Variants in THSD7A observed in about 807,000 individuals in gnomAD.
THSD7A encodes thrombospondin type 1 domain containing 7A.
In THSD7A, 96 loss-of-function variants were observed where a neutral mutation model predicts 231.3. The ratio of observed to expected loss-of-function variants is 0.41; its 90% confidence interval spans 0.35 to 0.49. The LOEUF (loss-of-function observed/expected upper bound fraction) is 0.49. THSD7A is among the 20% of genes least tolerant of loss of function. THSD7A has a pLI of 0.05. For missense variants in THSD7A, 2,290 were observed against 2,070.2 expected (o/e 1.11, Z -2.06); for synonymous variants, 940 against 743.3 (o/e 1.26, Z -4.30).
intron 11 of THSD7A, among the ~76,000 whole-genome samples, chr7:11,459,279 A>T (rs1180119389): frequency 6.6e-6 from 1 of 152,186 alleles, no homozygotes; most frequent in East Asian, 1.9e-4. Context: ...AAGAATGGAG[A>T]CTAAAACTTA....
intron 23 of THSD7A, among the ~76,000 whole-genome samples, chr7:11,390,174 G>A (rs1368679297): frequency 6.6e-6 from 1 of 152,094 alleles, no homozygotes; most frequent in Non-Finnish European, 1.5e-5. Flanking sequence ...TGCTAGGTTG[G>A]GGAAGTTCTC....
At chr7:11,723,115 GCACATATA>G (rs1781416831) in intron 1 of THSD7A, among the ~76,000 whole-genome samples, 1 of 151,958 alleles carries the variant, frequency 6.6e-6, no homozygotes, top group Non-Finnish European at 1.5e-5. Flanking sequence ...AAGAAATGTG[GCACATATA>G]CACCATGGAA....
intron 23 of THSD7A, among the ~76,000 whole-genome samples, chr7:11,390,371 T>C (rs193277768): frequency 2.6e-3 from 391 of 152,324 alleles, no homozygotes; most frequent in Non-Finnish European, 4.1e-3. Context: ...ATCTCTGATA[T>C]TGTTTCTTCT....
intron 4 of THSD7A, among the ~76,000 whole-genome samples, chr7:11,584,035 A>G (rs1342601456): frequency 6.6e-6 from 1 of 152,182 alleles, no homozygotes; most frequent in Non-Finnish European, 1.5e-5. Flanking sequence ...GAAGTAATGC[A>G]GTATTTTTGC....
chr7:11,787,931 C>A (rs1783839969), intron 1 of THSD7A, among the ~76,000 whole-genome samples: 1 of 152,070 alleles, frequency 6.6e-6, no homozygotes, highest in Non-Finnish European at 1.5e-5. Context: ...TTCTCCAAAC[C>A]TGACCACTCT....
At chr7:11,426,774 T>A in intron 14 of THSD7A, 103 bp from the exon 15 acceptor site, 1 of 1,265,652 alleles carries the variant, frequency 7.9e-7, no homozygotes, top group Non-Finnish European at 1.1e-6. Flanking sequence ...CAAGTATTAT[T>A]ACTTACATGT....
chr7:11,702,661 G>C (rs1238764897), intron 1 of THSD7A, among the ~76,000 whole-genome samples: 1 of 151,216 alleles, frequency 6.6e-6, no homozygotes, highest in East Asian at 2.0e-4. Flanking sequence ...TTGGTTGAAT[G>C]AGAGCTGGGA....
At chr7:11,555,218 T>A (rs1252781167) in intron 4 of THSD7A, among the ~76,000 whole-genome samples, 2 of 151,968 alleles carry the variant, frequency 1.3e-5, no homozygotes, top group East Asian at 3.9e-4. Flanking sequence ...TCTTTTCCAA[T>A]GTAAGCATTT....
chr7:11,596,683 A>G (rs981261642), intron 2 of THSD7A, among the ~76,000 whole-genome samples: 2 of 152,214 alleles, frequency 1.3e-5, no homozygotes, highest in Non-Finnish European at 2.9e-5. Context: ...GATTCCTACC[A>G]CATCCCTGTT....
intron 4 of THSD7A, among the ~76,000 whole-genome samples, chr7:11,560,067 T>C (rs1790014182): frequency 6.6e-6 from 1 of 152,136 alleles, no homozygotes; most frequent in African/African-American, 2.4e-5. Flanking sequence ...AATAACGTTA[T>C]GTCAAAACTA....
At chr7:11,532,113 G>C (rs893875610) in intron 6 of THSD7A, among the ~76,000 whole-genome samples, 10 of 151,922 alleles carry the variant, frequency 6.6e-5, no homozygotes, top group African/African-American at 2.2e-4. Flanking sequence ...AAAGATGCCA[G>C]TCTAGTCTAC....
intron 1 of THSD7A, among the ~76,000 whole-genome samples, chr7:11,746,238 T>C (rs181967656): frequency 2.2e-3 from 330 of 152,086 alleles, no homozygotes; most frequent in Non-Finnish European, 3.6e-3. Context: ...CAAGATTGTA[T>C]ACAGAGTTCC....
chr7:11,569,041 C>CA (rs1340219913), intron 4 of THSD7A, among the ~76,000 whole-genome samples: 2 of 148,120 alleles, frequency 1.4e-5, no homozygotes, highest in East Asian at 3.9e-4. Context: ...AAAATCAACA[C>CA]AAAATGAATT....
rs190294413 is a variant in THSD7A, at chr7:11,487,231, T to A, written c.1823-5249A>T. On this transcript the variant is annotated intron_variant, in intron 6 of 27. Coordinates refer to ENST00000423059, the MANE Select transcript of THSD7A (RefSeq NM_015204.3). ...TTTTATTCGACTGTATCTCTTATTA[T>A]CAGGATAAGAGACTAAAACATCTGC... Among the ~76,000 whole-genome samples the A allele has an allele frequency of 3.2e-3, 482 of 152,216 alleles. 1 individual carries two copies. The highest frequency in any genetic ancestry group is 0.011 in the African/African-American group (466 of 41,548).
intron 6 of THSD7A, among the ~76,000 whole-genome samples, chr7:11,503,866 G>C (rs560768860): frequency 6.6e-6 from 1 of 152,166 alleles, no homozygotes; most frequent in African/African-American, 2.4e-5. Flanking sequence ...TGGTAGAAGC[G>C]TAAATTAGTT....
intron 6 of THSD7A, among the ~76,000 whole-genome samples, chr7:11,491,399 A>T (rs553423385): frequency 7.7e-6 from 1 of 129,926 alleles, no homozygotes; most frequent in South Asian, 2.8e-4. Flanking sequence ...GGCATTCTAT[A>T]AAGTTCCTTT....
At chr7:11,680,824 C>G (rs1474943798) in intron 1 of THSD7A, among the ~76,000 whole-genome samples, 1 of 152,058 alleles carries the variant, frequency 6.6e-6, no homozygotes, top group Non-Finnish European at 1.5e-5. Context: ...CCAGAAATAC[C>G]ATTTGACCCA....
intron 4 of THSD7A, among the ~76,000 whole-genome samples, chr7:11,581,701 A>C (rs564501432): frequency 2.6e-5 from 4 of 151,138 alleles, no homozygotes; most frequent in African/African-American, 9.7e-5. Flanking sequence ...AATTCTGGGC[A>C]TTTTTTTTTA....
intron 4 of THSD7A, among the ~76,000 whole-genome samples, chr7:11,547,119 C>T (rs1295804997): frequency 6.6e-6 from 1 of 152,120 alleles, no homozygotes; most frequent in Non-Finnish European, 1.5e-5. Flanking sequence ...AAATTCATTA[C>T]CACCAGACCT....
Sources: allele counts gnomAD v4.1 joint callset (sites outside exome capture counted in the v4.1 genomes callset), GRCh38; gene constraint gnomAD v4.1.1; transcripts MANE v1.5; gene names NCBI Gene and HGNC (gene_info 2026-07-23, HGNC 2026-07-21).